WIPF1: variants seen among roughly 807,000 people sequenced by gnomAD.
WIPF1 encodes WAS/WASL-interacting protein family member 1.
In WIPF1, 13 loss-of-function variants were observed where a neutral mutation model predicts 35.4. That is an observed-to-expected ratio of 0.37 (90% confidence interval 0.24 to 0.58). The LOEUF (loss-of-function observed/expected upper bound fraction) is 0.58. Ranked by LOEUF, WIPF1 falls within the 20% of genes least tolerant of loss-of-function variation. The pLI is 0.74. For missense variants in WIPF1, 591 were observed against 667.0 expected, an observed-to-expected ratio of 0.89 and a Z score of 1.25; for synonymous variants, 267 against 266.3, an observed-to-expected ratio of 1.00 and a Z score of -0.02.
At chr2:174,588,376 G>T (rs184433472) in intron 1 of WIPF1, among the ~76,000 whole-genome samples, 7 of 152,230 alleles carry the variant, frequency 4.6e-5, no homozygotes, top group Non-Finnish European at 8.8e-5. Context: ...GGATATTCTG[G>T]TCAACTAACA....
At chr2:174,585,874 A>G (rs1332353916) in intron 1 of WIPF1, among the ~76,000 whole-genome samples, 1 of 152,232 alleles carries the variant, frequency 6.6e-6, no homozygotes, top group African/African-American at 2.4e-5. Context: ...ACAGTAGGCC[A>G]TGACCGACCC....
At chr2:174,593,252 C>T (rs541716977) in intron 1 of WIPF1, among the ~76,000 whole-genome samples, 1 of 152,212 alleles carries the variant, frequency 6.6e-6, no homozygotes, top group Admixed American at 6.5e-5. Context: ...CTCTGTGTCA[C>T]ACATACACAT....
intron 1 of WIPF1, among the ~76,000 whole-genome samples, chr2:174,654,577 A>C (rs1025370189): frequency 1.3e-5 from 2 of 151,948 alleles, no homozygotes; most frequent in Non-Finnish European, 2.9e-5. Context: ...TTGTGGAACC[A>C]ACCCCCTTTC....
At chr2:174,681,667 C>G (rs1433192192) in intron 1 of WIPF1, among the ~76,000 whole-genome samples, 1 of 152,100 alleles carries the variant, frequency 6.6e-6, no homozygotes, top group Non-Finnish European at 1.5e-5. Flanking sequence ...GGGCTACACG[C>G]AGCCAGGGAT....
At chr2:174,602,556 C>A (rs898528495), upstream of WIPF1, among the ~76,000 whole-genome samples, 1 of 151,960 alleles carries the variant, frequency 6.6e-6, no homozygotes, top group Non-Finnish European at 1.5e-5. Context: ...AGAAACACTA[C>A]CAGATTAAAG....
chr2:174,617,687 C>T (rs1477595196), intron 1 of WIPF1, among the ~76,000 whole-genome samples: 7 of 152,350 alleles, frequency 4.6e-5, no homozygotes, highest in South Asian at 2.1e-4. Flanking sequence ...TTGGTTGGAA[C>T]GCGCACCCTG....
intron 1 of WIPF1, among the ~76,000 whole-genome samples, chr2:174,620,848 G>A (rs562072212): frequency 6.6e-6 from 1 of 152,296 alleles, no homozygotes; most frequent in African/African-American, 2.4e-5. Flanking sequence ...TGAAAGCAGG[G>A]GAAGAAGTGG....
intron 1 of WIPF1, among the ~76,000 whole-genome samples, chr2:174,682,275 G>C (rs1227613722): frequency 6.6e-6 from 1 of 152,174 alleles, no homozygotes; most frequent in African/African-American, 2.4e-5. Flanking sequence ...GCTGGAGCGC[G>C]GGAGGGGCAC....
At chr2:174,606,246 AAAAGT>A (rs1049546845) in intron 1 of WIPF1, among the ~76,000 whole-genome samples, 3 of 152,252 alleles carry the variant, frequency 2.0e-5, no homozygotes, top group African/African-American at 4.8e-5. Flanking sequence ...TAGAAATAGT[AAAAGT>A]AAATAGGTGA....
chr2:174,594,867 T>C (rs1685743121), intron 1 of WIPF1, among the ~76,000 whole-genome samples: 1 of 151,626 alleles, frequency 6.6e-6, no homozygotes, highest in African/African-American at 2.4e-5. Context: ...TTACTTGAGA[T>C]TGTTAGTTTT....
rs1417571037 is a variant in WIPF1, at chr2:174,627,414, CTTCTTTCCTTCT to C, written c.-38-41815_-38-41804del. Among the ~76,000 whole-genome samples, 20 of 151,404 alleles carry C rather than the reference CTTCTTTCCTTCT, an allele frequency of 1.3e-4. No individual in the cohort carries two copies. In the South Asian group the frequency reaches 3.7e-3, roughly 28 times the overall value. Reference sequence around the variant, plus strand: ...TATGATTTTCTTTTCTTTTTCTTTTCTTCTTTCCTTCTTTCTTTCCTTTCTCTTTCTTTCCTT... The same window carrying C: ...TATGATTTTCTTTTCTTTTTCTTTTCTTCTTTCCTTTCTCTTTCTTTCCTT... On this transcript the variant is annotated intron_variant, in intron 1 of 8. Coordinates refer to the WIPF1 transcript ENST00000272746.
chr2:174,575,588 GA>G (rs1685033327), intron 3 of WIPF1, among the ~76,000 whole-genome samples: 1 of 151,990 alleles, frequency 6.6e-6, no homozygotes, highest in South Asian at 2.1e-4. Context: ...TGGAAGAAAC[GA>G]AAATAAAGGA....
At chr2:174,592,790 G>A (rs1054907568) in intron 1 of WIPF1, among the ~76,000 whole-genome samples, 1 of 151,928 alleles carries the variant, frequency 6.6e-6, no homozygotes, top group Non-Finnish European at 1.5e-5. Flanking sequence ...ATTCTTGGTA[G>A]AGATGGGGTT....
chr2:174,653,531 C>T (rs1361059697), intron 1 of WIPF1, among the ~76,000 whole-genome samples: 5 of 151,530 alleles, frequency 3.3e-5, no homozygotes, highest in Non-Finnish European at 5.9e-5. Flanking sequence ...GTCAGGAGAT[C>T]GAGACCATCC....
chr2:174,657,910 C>CAAAAAAAAAAAAAAAAAAAAAAAAAAA, intron 1 of WIPF1, among the ~76,000 whole-genome samples: 1 of 96,048 alleles, frequency 1.0e-5, no homozygotes, highest in South Asian at 3.7e-4. Context: ...AACTCTGTCT[C>CAAAAAAAAAAAAAAAAAAAAAAAAAAA]AAAAAAAAAA....
intron 1 of WIPF1, among the ~76,000 whole-genome samples, chr2:174,643,947 A>G (rs1687349432): frequency 6.6e-6 from 1 of 152,230 alleles, no homozygotes; most frequent in Non-Finnish European, 1.5e-5. Context: ...TTTGCTATAC[A>G]TATGACTCCT....
At position 174,567,148 on chromosome 2, in the gene WIPF1, A is replaced by G. The variant is rs1294583534; in HGVS notation, c.1378T>C (p.Ser460Pro). 6.2e-7 allele frequency: 1 copy of G among 1,614,094 alleles called. No individual in the cohort carries two copies. The highest frequency in any genetic ancestry group is 8.5e-7 in the Non-Finnish European group (1 of 1,180,052). The change falls in exon 7 of 8, where the codon TCC becomes CCC. Residue 460 changes from serine to proline, a missense_variant. Coordinates refer to ENST00000679041, the MANE Select transcript of WIPF1 (RefSeq NM_001375834.1). The stretch of plus-strand genomic sequence containing the variant: ...TATGGCTCTGGAGGTGGCAAATCGG[A>G]AATCGGATGGAAGTAGAATCTGCTT... ...WESRFYFHPISDLPPPEPYVQ... is the reference protein window; with the variant it reads ...WESRFYFHPIPDLPPPEPYVQ...
chr2:174,610,111 G>T (rs1051092413), intron 1 of WIPF1, among the ~76,000 whole-genome samples: 2 of 152,070 alleles, frequency 1.3e-5, no homozygotes, highest in African/African-American at 4.8e-5. Flanking sequence ...AAACACTTTC[G>T]GGTTGCCTCG....
At chr2:174,588,535 C>T (rs1478182587) in intron 1 of WIPF1, among the ~76,000 whole-genome samples, 1 of 152,164 alleles carries the variant, frequency 6.6e-6, no homozygotes, top group African/African-American at 2.4e-5. Flanking sequence ...AATTATTTTA[C>T]AATTCTCTGT....
Sources: allele counts gnomAD v4.1 joint callset (sites outside exome capture counted in the v4.1 genomes callset), GRCh38; gene constraint gnomAD v4.1.1; transcripts MANE v1.5; gene names NCBI Gene and HGNC (gene_info 2026-07-23, HGNC 2026-07-21).